The following GC variants were observed in gnomAD, a reference collection of about 807,000 sequenced individuals.
GC encodes vitamin D-binding protein.
Under a neutral mutation model 56.7 loss-of-function variants are expected in GC, and 43 were observed. The ratio of observed to expected loss-of-function variants is 0.76; its 90% CI spans 0.59 to 0.98. The LOEUF is 0.98. Ranked by LOEUF, GC falls within the 50% of genes least tolerant of loss-of-function variation. The pLI, the probability that GC is intolerant of heterozygous loss-of-function variation, is 0.00. For synonymous variants in GC, 216 were observed against 202.7 expected, an observed-to-expected ratio of 1.07 and a Z score of -0.56; for missense variants, 529 against 545.9, an observed-to-expected ratio of 0.97 and a Z score of 0.31.
chr4:71,799,722 G>C (rs1419519551), intron 1 of GC, among the ~76,000 whole-genome samples: 1 of 152,164 alleles, frequency 6.6e-6, no homozygotes. Context: ...CTAGCATAGA[G>C]AGCTCTGAAT....
At chr4:71,744,707 T>C (rs564941465) in intron 12 of GC, among the ~76,000 whole-genome samples, 10 of 152,158 alleles carry the variant, frequency 6.6e-5, no homozygotes, top group Non-Finnish European at 1.5e-4. Flanking sequence ...ACCCTGACTC[T>C]TAATTAAAGC....
At position 71,745,361 on chromosome 4, in the gene GC, G is replaced by T. The variant is rs150375313; in HGVS notation, c.*25+790C>A. Among the ~76,000 whole-genome samples, 352 of 152,268 alleles carry T rather than the reference G, an allele frequency of 2.3e-3. 2 individuals carry two copies. The highest frequency in any genetic ancestry group is 8.2e-3 in the African/African-American group (339 of 41,556). On this transcript the variant is annotated intron_variant, in intron 12 of 12. Coordinates refer to ENST00000273951, the MANE Select transcript of GC (RefSeq NM_000583.4). ...AGAGGATTTAAATAATAGTTGAAAA[G>T]CTGAATATGGTGAAATGATTTAATG...
chr4:71,747,108 T>G (rs544563269), intron 11 of GC, among the ~76,000 whole-genome samples: 1 of 152,228 alleles, frequency 6.6e-6, no homozygotes, highest in Non-Finnish European at 1.5e-5. Flanking sequence ...TCACTAAATT[T>G]TCATCGTGGG....
intron 12 of GC, 144 bp from the exon 13 acceptor site, chr4:71,742,014 C>A (rs1446187805): frequency 9.4e-6 from 6 of 639,680 alleles, no homozygotes; most frequent in Non-Finnish European, 1.7e-5. Context: ...ACCCATATAT[C>A]CACTATGGCC....
In GC at chr4:71,796,515, G is replaced by C. The variant is rs1743110159; in HGVS notation, c.21+7411C>G. ...CTTGCCATGGTTTTCAGCTCCATCA[G>C]GTCATTTATGGTCTTCTTTACACTG... On this transcript the variant is annotated intron_variant, in intron 1 of 13. Transcript: ENST00000504199. 2.0e-5 allele frequency among the ~76,000 whole-genome samples: 3 copies of C among 152,112 alleles called. No homozygotes were observed. In the South Asian group the frequency reaches 6.2e-4, roughly 32 times the overall value.
chr4:71,804,982 T>A (rs1231071300), upstream of GC, among the ~76,000 whole-genome samples: 1 of 152,220 alleles, frequency 6.6e-6, no homozygotes, highest in African/African-American at 2.4e-5. Flanking sequence ...TTTAGGCTCT[T>A]CTGAGTCGAG....
chr4:71,789,929 G>A (rs1742929306), intron 1 of GC, among the ~76,000 whole-genome samples: 1 of 151,930 alleles, frequency 6.6e-6, no homozygotes, highest in Non-Finnish European at 1.5e-5. Flanking sequence ...GCAGCCCCTA[G>A]ATGCTGGAAA....
chr4:71,755,049 G>A lies in GC; in HGVS notation c.1093C>T (p.Leu365Phe), dbSNP rs1741718671. Reference protein sequence around the residue: ...HLPEVFLSKVLEPTLKSLGEC... With the variant: ...HLPEVFLSKVFEPTLKSLGEC... Reference sequence around the variant, plus strand: ...CCAAGGCTTTTTAGGGTTGGCTCAAGTACCTTACTGAGGAATACTTCCGGA... The same window carrying A: ...CCAAGGCTTTTTAGGGTTGGCTCAAATACCTTACTGAGGAATACTTCCGGA... Residue 365 changes from leucine (L) to phenylalanine (F), a missense_variant, in exon 9 of 13, where the codon CTT becomes TTT. Coordinates refer to ENST00000273951, the MANE Select transcript of GC (RefSeq NM_000583.4). The A allele has an allele frequency of 6.3e-7, 1 of 1,594,416 alleles. No individual in the cohort carries two copies. Among genetic ancestry groups the A allele is most frequent in the Non-Finnish European group, 8.6e-7 (1 of 1,166,512 alleles).
chr4:71,789,662 C>G (rs1467966679), intron 1 of GC, among the ~76,000 whole-genome samples: 5 of 151,910 alleles, frequency 3.3e-5, no homozygotes, highest in Admixed American at 1.3e-4. Flanking sequence ...ACACCCTAAT[C>G]CCTGCAACCT....
At chr4:71,784,094 G>C (rs765390298), upstream of GC, 11 of 1,533,122 alleles carry the variant, frequency 7.2e-6, no homozygotes, top group Non-Finnish European at 8.7e-6. Flanking sequence ...AAAAGTAATT[G>C]GTTTCCTTTT....
intron 1 of GC, among the ~76,000 whole-genome samples, chr4:71,778,978 C>T (rs755797563): frequency 1.1e-4 from 17 of 150,254 alleles, no homozygotes; most frequent in Non-Finnish European, 1.9e-4. Flanking sequence ...TATTTATGTA[C>T]ATACCTATTT....
chr4:71,764,450 T>G (rs1742093961), intron 4 of GC, among the ~76,000 whole-genome samples: 1 of 152,160 alleles, frequency 6.6e-6, no homozygotes. Flanking sequence ...AATTTCTATG[T>G]GGTTTGTGTG....
In GC at chr4:71,789,081, T is replaced by C. The variant is rs112310050; in HGVS notation, c.22-5027A>G. Among the ~76,000 whole-genome samples, 25 of 151,962 alleles carry C rather than the reference T, an allele frequency of 1.6e-4. 2 individuals are homozygous for C. Among genetic ancestry groups the C allele is most frequent in the African/African-American group, 6.0e-4 (25 of 41,516 alleles). On this transcript the variant is annotated intron_variant, in intron 1 of 13. Transcript: ENST00000504199. ...TAATTACTTTTACAAGTATTGACAA[T>C]TGTAGTATATTTTTGCATTATGTAT...
At chr4:71,777,232 G>A (rs1296055346) in intron 1 of GC, among the ~76,000 whole-genome samples, 1 of 151,582 alleles carries the variant, frequency 6.6e-6, no homozygotes, top group African/African-American at 2.4e-5. Context: ...GAAACTGAAG[G>A]CTTATTATTG....
At chr4:71,781,340 C>A (rs1205642630) in intron 1 of GC, among the ~76,000 whole-genome samples, 2 of 151,386 alleles carry the variant, frequency 1.3e-5, no homozygotes, top group African/African-American at 4.9e-5. Flanking sequence ...ACATATGTAT[C>A]AAACCTGCAC....
Position 71,769,311 on chromosome 4 carries a change from A to G in GC, c.128+20T>C, listed in dbSNP as rs751740286. 1.9e-6 allele frequency: 3 copies of G among 1,554,756 alleles called. No individual in the cohort carries two copies. Among genetic ancestry groups the G allele is most frequent in the Non-Finnish European group, 2.7e-6 (3 of 1,126,502 alleles). Reference sequence around the variant, plus strand: ...TCAAGATCAAATCACCAACAGAGTGAGTGGCTGCTGCACACTTACAGAGAT... The same window carrying G: ...TCAAGATCAAATCACCAACAGAGTGGGTGGCTGCTGCACACTTACAGAGAT... On this transcript the variant is annotated intron_variant, in intron 2 of 12. Transcript: ENST00000273951.
chr4:71,776,895 A>C (rs1742524776), intron 1 of GC, among the ~76,000 whole-genome samples: 1 of 151,944 alleles, frequency 6.6e-6, no homozygotes, highest in Non-Finnish European at 1.5e-5. Flanking sequence ...AACCGAAATC[A>C]AATTATGCAA....
chr4:71,800,688 A>T (rs1743226706), intron 1 of GC, among the ~76,000 whole-genome samples: 1 of 152,128 alleles, frequency 6.6e-6, no homozygotes. Flanking sequence ...AATAATTTAC[A>T]TTTCCACCAA....
chr4:71,767,255 G>A (rs148694920), intron 3 of GC, among the ~76,000 whole-genome samples: 123 of 152,250 alleles, frequency 8.1e-4, no homozygotes, highest in African/African-American at 2.6e-3. Flanking sequence ...TGAACAGTGA[G>A]ACAAATCTGT....
Sources: gnomAD v4.1 joint callset for allele counts (sites outside exome capture counted in the v4.1 genomes callset) on GRCh38, gnomAD v4.1.1 for gene constraint, MANE v1.5 for transcripts, NCBI Gene and HGNC (gene_info 2026-07-23, HGNC 2026-07-21) for gene names.